PHF20L1: variants seen among roughly 807,000 people sequenced by gnomAD.
PHF20L1 encodes PHD finger protein 20-like protein 1.
PHF20L1 carries 44 observed loss-of-function variants against 125.5 expected under a neutral mutation model. The ratio of observed to expected loss-of-function variants is 0.35; its 90% CI spans 0.28 to 0.45. The LOEUF (loss-of-function observed/expected upper bound fraction) is 0.45, where lower values mean the gene tolerates loss of function less well. PHF20L1 is among the 20% of genes least tolerant of loss of function. The probability of loss-of-function intolerance (pLI) is 1.00; values close to 1 mark genes in which losing one functional copy is unlikely to be tolerated. For synonymous variants in PHF20L1, 380 were observed against 403.1 expected, an observed-to-expected ratio of 0.94 and a Z score of 0.69; for missense variants, 1,012 against 1,217.2, an observed-to-expected ratio of 0.83 and a Z score of 2.51.
intron 8 of PHF20L1, chr8:132,810,809 TTTAA>T (rs960155541): frequency 2.1e-5 from 9 of 431,528 alleles, no homozygotes; most frequent in African/African-American, 1.2e-4. Flanking sequence ...TTTTCAGTGA[TTTAA>T]TTGAGTAATA....
At chr8:132,806,017 T>C (rs1833650319) in intron 8 of PHF20L1, among the ~76,000 whole-genome samples, 1 of 151,986 alleles carries the variant, frequency 6.6e-6, no homozygotes. Flanking sequence ...TGGAACCCAG[T>C]GCTATGTGCT....
chr8:132,781,506 G>T (rs1830424111), intron 2 of PHF20L1, among the ~76,000 whole-genome samples: 1 of 152,150 alleles, frequency 6.6e-6, no homozygotes, highest in Admixed American at 6.5e-5. Context: ...TCCGCTCGCT[G>T]CAACCTCCGC....
intron 2 of PHF20L1, among the ~76,000 whole-genome samples, chr8:132,780,867 CAG>C (rs34873900): frequency 0.026 from 3,481 of 134,938 alleles, 159 homozygotes; most frequent in African/African-American, 0.09. Flanking sequence ...TTTTTTGAGA[CAG>C]AGTCTTTTCT....
chr8:132,777,752 A>G, intron 1 of PHF20L1, 40 bp from the exon 2 acceptor site: 1 of 898,628 alleles, frequency 1.1e-6, no homozygotes, highest in South Asian at 1.4e-5. Context: ...CTTCCTATGC[A>G]TTTTCTGCAT....
At chr8:132,796,220 A>T (rs1832371239) in intron 4 of PHF20L1, among the ~76,000 whole-genome samples, 1 of 152,078 alleles carries the variant, frequency 6.6e-6, no homozygotes, top group South Asian at 2.1e-4. Flanking sequence ...ATGTCATTTT[A>T]AGGAACTGCA....
In PHF20L1 at chr8:132,846,715, A is replaced by T. The variant is rs1838444563; in HGVS notation, c.*792A>T. 1 of 152,576 alleles carries T rather than the reference A, an allele frequency of 6.6e-6. No individual in the cohort carries two copies. Among genetic ancestry groups the T allele is most frequent in the African/African-American group, 2.4e-5 (1 of 41,526 alleles). 9.5% of individuals were successfully genotyped at this position (152,576 alleles called of 1,614,324 possible). A position where few individuals can be genotyped will look rare whatever the true frequency, so the allele number is the denominator to read the frequency against. On this transcript the variant is annotated 3_prime_UTR_variant, in exon 21 of 21. Transcript: ENST00000395386. The stretch of plus-strand genomic sequence containing the variant: ...ACCCTAAGTCTTACATAATGCCACC[A>T]GTCCATCCAAAACCTATATATCACC...
At chr8:132,788,619 C>G (rs1000120277) in intron 2 of PHF20L1, among the ~76,000 whole-genome samples, 2 of 151,492 alleles carry the variant, frequency 1.3e-5, no homozygotes, top group African/African-American at 4.9e-5. Flanking sequence ...TTTATCAATA[C>G]AGATAGAAAT....
At chr8:132,808,035 C>T (rs112043262) in intron 8 of PHF20L1, 2,492 of 174,008 alleles carry the variant, frequency 0.014, 69 homozygotes, top group African/African-American at 0.057. Flanking sequence ...AGATTTTGGA[C>T]TGCCTCTTAA....
intron 9 of PHF20L1, 51 bp from the exon 10 acceptor site, chr8:132,814,586 C>T: frequency 7.5e-7 from 1 of 1,331,464 alleles, no homozygotes. Context: ...AATACAAGAA[C>T]AAAAATGAAG....
rs1243192384 is a variant in PHF20L1, at chr8:132,842,583, T to C, written c.2456T>C (p.Ile819Thr). The part of the protein sequence containing the change: ...SGKRKDQDQI[I>T]AGVEKKIAQD... ...AAGCGAAAAGACCAAGATCAAATAA[T>C]AGCTGGGGTGGAGAAAAAAATAGCT... Residue 819 changes from isoleucine to threonine, a missense_variant, in exon 19 of 21, where the codon ATA becomes ACA. This residue lies in a region of PHF20L1 where 277 missense variants were observed against 283.6 expected (regional missense o/e 0.98). Coordinates refer to ENST00000395386, the MANE Select transcript of PHF20L1 (RefSeq NM_016018.5). 1 of 1,612,638 alleles carries C rather than the reference T, an allele frequency of 6.2e-7. No individual in the cohort carries two copies. Among genetic ancestry groups the C allele is most frequent in the Admixed American group, 1.7e-5 (1 of 59,788 alleles).
At chr8:132,791,983 AT>A (rs1215955895) in intron 2 of PHF20L1, among the ~76,000 whole-genome samples, 2 of 152,240 alleles carry the variant, frequency 1.3e-5, no homozygotes, top group African/African-American at 4.8e-5. Flanking sequence ...TTAGATACTG[AT>A]TCTTTACTGA....
intron 4 of PHF20L1, among the ~76,000 whole-genome samples, chr8:132,795,912 C>G (rs1479545137): frequency 1.3e-5 from 2 of 152,098 alleles, no homozygotes; most frequent in Non-Finnish European, 2.9e-5. Context: ...CTCTCAATCT[C>G]TCTTGTCTCT....
chr8:132,812,695 C>T (rs1350464345), intron 9 of PHF20L1: 1 of 984,332 alleles, frequency 1.0e-6, no homozygotes, highest in African/African-American at 1.7e-5. Context: ...TATGTGTTAG[C>T]CTCGCTTCAT....
intron 14 of PHF20L1, among the ~76,000 whole-genome samples, chr8:132,829,216 TCTA>T (rs1403156029): frequency 6.6e-6 from 1 of 152,080 alleles, no homozygotes; most frequent in Non-Finnish European, 1.5e-5. Context: ...AGATTCTGCT[TCTA>T]CTTTTACTTT....
At chr8:132,816,510 C>CAT (rs540133854) in intron 10 of PHF20L1, 11 of 167,846 alleles carry the variant, frequency 6.6e-5, no homozygotes, top group East Asian at 1.8e-4. Flanking sequence ...AAAAGGAATA[C>CAT]ATATATATAT....
intron 15 of PHF20L1, 154 bp from the exon 16 acceptor site, chr8:132,836,386 C>T (rs1837362439): frequency 1.9e-6 from 1 of 519,686 alleles, no homozygotes. Context: ...GTTTCCATGT[C>T]CAGAGACAAG....
rs1385014812 is a variant in PHF20L1 at position 132,845,777 on chromosome 8, T to G, written c.2912-4T>G. On this transcript the variant is annotated splice_region_variant and splice_polypyrimidine_tract_variant and intron_variant, in intron 20 of 20. Coordinates refer to ENST00000395386, the MANE Select transcript of PHF20L1 (RefSeq NM_016018.5). ...AAATTTGTTTATCTTCTTCTCTCTT[T>G]TAGTTCTGGAAAGCTGGCTTGATTT... is the stretch of plus-strand genomic sequence containing the variant. 6.3e-7 allele frequency: 1 copy of G among 1,597,602 alleles called. No individual in the cohort carries two copies. The highest frequency in any genetic ancestry group is 1.7e-5 in the Admixed American group (1 of 59,754).
At position 132,775,488 on chromosome 8, in the gene PHF20L1, G is replaced by T. The variant is rs900752477; in HGVS notation, c.-195G>T. 5 of 377,122 alleles carry T rather than the reference G, an allele frequency of 1.3e-5. No homozygotes were observed. The highest frequency in any genetic ancestry group is 2.1e-5 in the African/African-American group (1 of 47,626). The allele number at this position is 377,122 out of a possible 1,614,324, so 23.4% of individuals were successfully genotyped here. A position where few individuals can be genotyped will look rare whatever the true frequency, so the allele number is the denominator to read the frequency against. On this transcript the variant is annotated 5_prime_UTR_variant, in exon 1 of 21. Transcript: ENST00000395386. ...CCAGCTCCCTCCCGCGAAACCTTGG[G>T]CGGATCCGGCGCTGCGGCCCCAGCT...
intron 6 of PHF20L1, among the ~76,000 whole-genome samples, chr8:132,802,050 A>G (rs562007532): frequency 2.0e-4 from 31 of 151,608 alleles, no homozygotes; most frequent in Admixed American, 3.3e-4. Flanking sequence ...CTGCAAATGT[A>G]TGATCTCTGT....
Sources: gnomAD v4.1 joint callset for allele counts (sites outside exome capture counted in the v4.1 genomes callset) on GRCh38, gnomAD v4.1.1 for gene constraint, gnomAD v4.1.1 regional missense constraint, MANE v1.5 for transcripts, NCBI Gene and HGNC (gene_info 2026-07-23, HGNC 2026-07-21) for gene names.